Variants in RBFOX1 observed in about 807,000 individuals in gnomAD.
The protein encoded by RBFOX1 is RNA binding protein fox-1 homolog 1.
A neutral mutation model predicts 57.7 loss-of-function variants in RBFOX1; 8 were observed. That is an observed-to-expected ratio of 0.14 (90% confidence interval 0.08 to 0.25). The LOEUF is 0.25. RBFOX1 is among the 10% of genes least tolerant of loss of function. The pLI is 1.00. For synonymous variants in RBFOX1, 326 were observed against 222.4 expected (o/e 1.47, Z -4.15); for missense variants, 611 against 548.5 (o/e 1.11, Z -1.14).
intron 2 of RBFOX1, among the ~76,000 whole-genome samples, chr16:6,631,427 A>C (rs188758761): frequency 1.3e-5 from 2 of 152,084 alleles, no homozygotes; most frequent in Admixed American, 6.6e-5. Context: ...TTTGTAAGGG[A>C]AAGTTCCCAG....
chr16:5,949,524 T>G (rs765010127), intron 4 of RBFOX1, among the ~76,000 whole-genome samples: 15 of 53,914 alleles, frequency 2.8e-4, no homozygotes, highest in Admixed American at 1.5e-3. Context: ...AGAGTCCATC[T>G]CAAAAAAAAA....
At chr16:5,535,886 G>C (rs2044673739) in intron 2 of RBFOX1, among the ~76,000 whole-genome samples, 1 of 152,120 alleles carries the variant, frequency 6.6e-6, no homozygotes, top group Admixed American at 6.5e-5. Flanking sequence ...GGCTGAAGAG[G>C]GGCGTACTGT....
intron 3 of RBFOX1, among the ~76,000 whole-genome samples, chr16:5,833,494 C>CAAAA (rs1183168830): frequency 1.9e-3 from 108 of 57,688 alleles, no homozygotes; most frequent in Non-Finnish European, 2.5e-3. Flanking sequence ...GACTCTATCT[C>CAAAA]AAAAAAAAAA....
chr16:6,835,854 A>G (rs11649141), intron 3 of RBFOX1, among the ~76,000 whole-genome samples: 10,248 of 150,854 alleles, frequency 0.068, 514 homozygotes, highest in Non-Finnish European at 0.11. Flanking sequence ...TGATACAGGG[A>G]CCCAGGCTCC....
At chr16:5,701,172 C>A (rs2051033945) in intron 3 of RBFOX1, among the ~76,000 whole-genome samples, 1 of 152,200 alleles carries the variant, frequency 6.6e-6, no homozygotes, top group Non-Finnish European at 1.5e-5. Context: ...TGATCTGTTT[C>A]TTGCATTGCA....
intron 4 of RBFOX1, among the ~76,000 whole-genome samples, chr16:7,111,756 CT>C (rs60574147): frequency 0.35 from 51,449 of 147,558 alleles, 10,322 homozygotes; most frequent in African/African-American, 0.56. Context: ...TTATTTTGTA[CT>C]TTTTTTTTTT....
At chr16:7,156,020 C>G (rs2077041215) in intron 4 of RBFOX1, among the ~76,000 whole-genome samples, 3 of 151,810 alleles carry the variant, frequency 2.0e-5, no homozygotes. Context: ...CACACTCACA[C>G]ATACACACAC....
intron 4 of RBFOX1, among the ~76,000 whole-genome samples, chr16:5,929,289 G>C (rs2058999393): frequency 6.6e-6 from 1 of 151,974 alleles, no homozygotes. Flanking sequence ...TTCTTACTTA[G>C]GCTCACCTTC....
intron 1 of RBFOX1, among the ~76,000 whole-genome samples, chr16:5,291,492 C>G (rs1256593991): frequency 6.6e-6 from 1 of 152,012 alleles, no homozygotes; most frequent in African/African-American, 2.4e-5. Context: ...CTGGATCTCC[C>G]TAATGTCATG....
In RBFOX1 at chr16:7,709,172, C is replaced by A. The variant is rs373444863; in HGVS notation, c.1071+41C>A. 15 of 1,543,418 alleles carry A rather than the reference C, an allele frequency of 9.7e-6. No individual in the cohort carries two copies. In the African/African-American group the frequency reaches 2.0e-4, roughly 21 times the overall value. On this transcript the variant is annotated intron_variant, in intron 15 of 15. Coordinates refer to ENST00000550418, the MANE Select transcript of RBFOX1 (RefSeq NM_018723.4). ...TCCTTGTCCTCACTTCCTCCTGCCTCCCTTCCCTTTCCCCAGCTGGGACCT... is the reference window on the plus strand; with the variant it reads ...TCCTTGTCCTCACTTCCTCCTGCCTACCTTCCCTTTCCCCAGCTGGGACCT...
At chr16:5,410,677 A>T (rs1258857675) in intron 1 of RBFOX1, among the ~76,000 whole-genome samples, 1 of 152,172 alleles carries the variant, frequency 6.6e-6, no homozygotes, top group Non-Finnish European at 1.5e-5. Context: ...TGTTCCTGTC[A>T]AACAAAATCT....
At chr16:7,351,035 G>A (rs544662863) in intron 4 of RBFOX1, among the ~76,000 whole-genome samples, 1 of 152,330 alleles carries the variant, frequency 6.6e-6, no homozygotes, top group Admixed American at 6.5e-5. Flanking sequence ...CATGGACTAG[G>A]TTTTCCATCA....
intron 4 of RBFOX1, among the ~76,000 whole-genome samples, chr16:5,915,322 G>A (rs1043898388): frequency 1.3e-5 from 2 of 152,106 alleles, no homozygotes; most frequent in Non-Finnish European, 2.9e-5. Flanking sequence ...TAATTCAACT[G>A]GCTATTGCAT....
chr16:7,434,717 A>G (rs1053670646), intron 4 of RBFOX1, among the ~76,000 whole-genome samples: 2 of 148,238 alleles, frequency 1.3e-5, no homozygotes, highest in African/African-American at 4.9e-5. Flanking sequence ...CCCAGCGTCT[A>G]GTTTGCCCTC....
At chr16:5,674,573 C>A (rs1272709970) in intron 3 of RBFOX1, among the ~76,000 whole-genome samples, 1 of 152,198 alleles carries the variant, frequency 6.6e-6, no homozygotes, top group African/African-American at 2.4e-5. Flanking sequence ...AGCCCAGGTT[C>A]TGTTTGTTTA....
At chr16:5,827,877 C>G (rs906532303) in intron 3 of RBFOX1, among the ~76,000 whole-genome samples, 1 of 130,798 alleles carries the variant, frequency 7.6e-6, no homozygotes, top group African/African-American at 3.8e-5. Context: ...TTTTGTCCAT[C>G]CATCCATCCA....
At chr16:7,155,766 T>C (rs372971808) in intron 4 of RBFOX1, among the ~76,000 whole-genome samples, 1,971 of 123,026 alleles carry the variant, frequency 0.016, 23 homozygotes, top group South Asian at 0.042. Context: ...CACACACACA[T>C]ATATATACAG....
intron 2 of RBFOX1, among the ~76,000 whole-genome samples, chr16:6,626,894 A>C (rs796679081): frequency 4.6e-5 from 7 of 152,358 alleles, no homozygotes; most frequent in Admixed American, 1.3e-4. Context: ...TGCCAGACAC[A>C]AATTGGAAGG....
intron 3 of RBFOX1, among the ~76,000 whole-genome samples, chr16:5,649,504 C>G (rs1596584206): frequency 6.6e-6 from 1 of 152,064 alleles, no homozygotes; most frequent in African/African-American, 2.4e-5. Flanking sequence ...TTCTACCACC[C>G]CACATTGGCA....
Sources: gnomAD v4.1 joint callset for allele counts (sites outside exome capture counted in the v4.1 genomes callset) on GRCh38, gnomAD v4.1.1 for gene constraint, MANE v1.5 for transcripts, NCBI Gene and HGNC (gene_info 2026-07-23, HGNC 2026-07-21) for gene names.